Variants in VKORC1L1 observed in about 807,000 individuals in gnomAD.
The protein encoded by VKORC1L1 is vitamin K epoxide reductase complex subunit 1L1.
In VKORC1L1, 2 loss-of-function variants were observed where a neutral mutation model predicts 18.9. That is an observed-to-expected ratio of 0.11 (90% CI 0.04 to 0.33). The LOEUF (loss-of-function observed/expected upper bound fraction) is 0.33, where lower values mean the gene tolerates loss of function less well. Ranked by LOEUF, VKORC1L1 falls within the 10% of genes least tolerant of loss-of-function variation. VKORC1L1 has a pLI of 1.00. For synonymous variants in VKORC1L1, 96 were observed against 100.0 expected, an observed-to-expected ratio of 0.96 and a Z score of 0.24; for missense variants, 123 against 224.1, an observed-to-expected ratio of 0.55 and a Z score of 2.88.
the VKORC1L1 span, among the ~76,000 whole-genome samples, chr7:65,867,667 C>G: frequency 6.6e-6 from 1 of 152,078 alleles, no homozygotes; most frequent in Admixed American, 6.6e-5. Context: ...ATCTGGGCTT[C>G]CTCACAGCAT....
chr7:65,900,071 GTGTGTGTGTGTGTGTGTA>G (rs1226021141), intron 1 of VKORC1L1, among the ~76,000 whole-genome samples: 42 of 96,240 alleles, frequency 4.4e-4, no homozygotes, highest in Middle Eastern at 0.012. Context: ...GTGTGTGTGT[GTGTGTGTGTGTGTGTGTA>G]TTGAAAATAC....
chr7:65,893,225 A>C (rs1789137531), intron 1 of VKORC1L1, among the ~76,000 whole-genome samples: 1 of 152,034 alleles, frequency 6.6e-6, no homozygotes, highest in Admixed American at 6.5e-5. Flanking sequence ...TGTTATTTTT[A>C]AATGAATGAA....
chr7:65,876,327 AC>A (rs1307849535), intron 1 of VKORC1L1, among the ~76,000 whole-genome samples: 4 of 151,908 alleles, frequency 2.6e-5, no homozygotes, highest in Non-Finnish European at 5.9e-5. Context: ...ACATGCTGAA[AC>A]CCCGTCTCTA....
chr7:65,902,629 CAGTA>C (rs1335028580), intron 1 of VKORC1L1, among the ~76,000 whole-genome samples: 10 of 151,994 alleles, frequency 6.6e-5, no homozygotes, highest in African/African-American at 1.2e-4. Flanking sequence ...TTGATGAAAA[CAGTA>C]AGCCCACATA....
At chr7:65,897,692 A>C (rs1583832911) in intron 1 of VKORC1L1, among the ~76,000 whole-genome samples, 1 of 149,108 alleles carries the variant, frequency 6.7e-6, no homozygotes, top group South Asian at 2.2e-4. Flanking sequence ...GGAGGCTTAT[A>C]ATCTTTTTTT....
At chr7:65,929,567 A>G (rs1258264863) in intron 1 of VKORC1L1, among the ~76,000 whole-genome samples, 1 of 151,626 alleles carries the variant, frequency 6.6e-6, no homozygotes, top group Non-Finnish European at 1.5e-5. Flanking sequence ...TATTTTTCAA[A>G]ACTGTTTCGG....
At chr7:65,941,862 T>C (rs1225345753) in intron 1 of VKORC1L1, among the ~76,000 whole-genome samples, 2 of 151,884 alleles carry the variant, frequency 1.3e-5, no homozygotes, top group Non-Finnish European at 2.9e-5. Flanking sequence ...GATTTCACCA[T>C]GCTGGCCAGG....
chr7:65,907,090 A>G (rs971986363), intron 1 of VKORC1L1, among the ~76,000 whole-genome samples: 2 of 152,206 alleles, frequency 1.3e-5, no homozygotes, highest in African/African-American at 2.4e-5. Flanking sequence ...AGACTGCTAG[A>G]GACTCATTAC....
At chr7:65,951,525 T>C (rs36004293) in intron 2 of VKORC1L1, among the ~76,000 whole-genome samples, 19,215 of 151,620 alleles carry the variant, frequency 0.13, 1,359 homozygotes, top group Middle Eastern at 0.21. Context: ...AGTGAGCTAA[T>C]GTCGCACCAT....
At chr7:65,871,632 T>C (rs1014198320), upstream of VKORC1L1, among the ~76,000 whole-genome samples, 5 of 152,210 alleles carry the variant, frequency 3.3e-5, no homozygotes, top group African/African-American at 1.2e-4. Flanking sequence ...CTCCTCCCTC[T>C]CCCTGGGGTA....
At chr7:65,873,858 G>A (rs1475288347) in intron 1 of VKORC1L1, among the ~76,000 whole-genome samples, 1 of 152,048 alleles carries the variant, frequency 6.6e-6, no homozygotes, top group Non-Finnish European at 1.5e-5. Flanking sequence ...CGGTCGGGCG[G>A]GCTGGGGCCC....
chr7:65,945,757 CTT>C (rs1790110838), intron 1 of VKORC1L1, among the ~76,000 whole-genome samples: 1 of 152,112 alleles, frequency 6.6e-6, no homozygotes, highest in African/African-American at 2.4e-5. Context: ...GCATGTATAA[CTT>C]TGATAATATA....
chr7:65,919,837 C>G (rs1789647074), intron 1 of VKORC1L1, among the ~76,000 whole-genome samples: 1 of 152,132 alleles, frequency 6.6e-6, no homozygotes, highest in African/African-American at 2.4e-5. Flanking sequence ...GCGGGCAGAT[C>G]ACAAGGTCAG....
chr7:65,877,078 C>A (rs1788839421), intron 1 of VKORC1L1, among the ~76,000 whole-genome samples: 1 of 152,090 alleles, frequency 6.6e-6, no homozygotes, highest in Non-Finnish European at 1.5e-5. Flanking sequence ...CCTACTTTGC[C>A]AGATTAGTGT....
chr7:65,908,903 A>G (rs1295049860), intron 1 of VKORC1L1, among the ~76,000 whole-genome samples: 1 of 151,882 alleles, frequency 6.6e-6, no homozygotes, highest in East Asian at 2.0e-4. Flanking sequence ...GTATTAAAAA[A>G]TAAATAAAAA....
chr7:65,913,492 G>C (rs187997559), intron 1 of VKORC1L1, among the ~76,000 whole-genome samples: 1 of 151,896 alleles, frequency 6.6e-6, no homozygotes, highest in Non-Finnish European at 1.5e-5. Context: ...TTGGGAGGTC[G>C]AGGCAGGTGG....
chr7:65,901,913 A>G (rs1026494641), intron 1 of VKORC1L1, among the ~76,000 whole-genome samples: 3 of 152,184 alleles, frequency 2.0e-5, no homozygotes, highest in African/African-American at 7.2e-5. Context: ...GCCAGAGTAT[A>G]TACAAGGGCA....
At chr7:65,903,966 G>A (rs551383076) in intron 1 of VKORC1L1, among the ~76,000 whole-genome samples, 14 of 152,172 alleles carry the variant, frequency 9.2e-5, no homozygotes, top group African/African-American at 3.4e-4. Context: ...CTCTTTAAAA[G>A]ATGACTGCAT....
At chr7:65,946,949 C>G (rs1382817570) in intron 1 of VKORC1L1, among the ~76,000 whole-genome samples, 1 of 151,126 alleles carries the variant, frequency 6.6e-6, no homozygotes, top group Admixed American at 6.6e-5. Context: ...AGCCTTGGCA[C>G]ATGGCAAAGC....
Sources: gnomAD v4.1 joint callset for allele counts (sites outside exome capture counted in the v4.1 genomes callset) on GRCh38, gnomAD v4.1.1 for gene constraint, MANE v1.5 for transcripts, NCBI Gene and HGNC (gene_info 2026-07-23, HGNC 2026-07-21) for gene names.